Variants in SASH1 observed in about 807,000 individuals in gnomAD.
SASH1 encodes SAM and SH3 domain-containing protein 1.
In SASH1, 44 loss-of-function variants were observed where a neutral mutation model predicts 125.2. That is an observed-to-expected ratio of 0.35 (90% CI 0.28 to 0.45). SASH1 has a LOEUF of 0.45. SASH1 is among the 20% of genes least tolerant of loss of function. SASH1 has a pLI of 1.00. For missense variants in SASH1, 1,426 were observed against 1,614.5 expected, an observed-to-expected ratio of 0.88 and a Z score of 2.00; for synonymous variants, 639 against 649.1, an observed-to-expected ratio of 0.98 and a Z score of 0.24.
At chr6:148,234,565 C>A in the SASH1 span, among the ~76,000 whole-genome samples, 4 of 152,100 alleles carry the variant, frequency 2.6e-5, no homozygotes, top group African/African-American at 9.6e-5. Context: ...GTGGCTCACA[C>A]CTGTAATGCC....
At chr6:148,262,790 G>T in the SASH1 span, among the ~76,000 whole-genome samples, 3 of 152,212 alleles carry the variant, frequency 2.0e-5, no homozygotes, top group Non-Finnish European at 4.4e-5. Context: ...GGCTGAGACA[G>T]GAGAATCGCT....
At chr6:148,455,300 G>A (rs987880598) in intron 4 of SASH1, among the ~76,000 whole-genome samples, 6 of 152,168 alleles carry the variant, frequency 3.9e-5, no homozygotes, top group Admixed American at 2.6e-4. Context: ...TTTATTCATC[G>A]CCACCCAGAT....
At chr6:148,468,284 C>T (rs1257515720) in intron 4 of SASH1, among the ~76,000 whole-genome samples, 8 of 152,202 alleles carry the variant, frequency 5.3e-5, no homozygotes, top group African/African-American at 9.6e-5. Context: ...CTTCAGTGAT[C>T]GTCTAGTGAA....
intron 4 of SASH1, among the ~76,000 whole-genome samples, chr6:148,459,283 G>C (rs1653886864): frequency 6.6e-6 from 1 of 152,188 alleles, no homozygotes; most frequent in Admixed American, 6.5e-5. Context: ...CTCAGAGGAT[G>C]ACTGAATCCC....
chr6:148,399,288 G>T (rs918005581), intron 2 of SASH1, among the ~76,000 whole-genome samples: 7 of 145,702 alleles, frequency 4.8e-5, no homozygotes, highest in Admixed American at 1.4e-4. Flanking sequence ...CGTGATCTCG[G>T]CTCACTGGAA....
intron 1 of SASH1, among the ~76,000 whole-genome samples, chr6:148,287,961 T>A (rs1223625188): frequency 6.6e-6 from 1 of 152,240 alleles, no homozygotes; most frequent in African/African-American, 2.4e-5. Flanking sequence ...TTGAGTTTTG[T>A]AAGAAATGCT....
chr6:148,545,950 A>G, intron 18 of SASH1, 65 bp from the exon 19 acceptor site: 2 of 1,526,550 alleles, frequency 1.3e-6, no homozygotes, highest in South Asian at 1.2e-5. Context: ...TATGTGGTGT[A>G]TCTTAGGGAA....
chr6:148,411,944 T>G (rs1784647179), intron 2 of SASH1, among the ~76,000 whole-genome samples: 1 of 152,226 alleles, frequency 6.6e-6, no homozygotes, highest in Admixed American at 6.5e-5. Flanking sequence ...CACCCAAGTC[T>G]CTATGGAGGT....
intron 1 of SASH1, among the ~76,000 whole-genome samples, chr6:148,307,097 TCTCTCTCTGTCTCTTTCTTTC>T: frequency 1.4e-5 from 2 of 147,556 alleles, no homozygotes; most frequent in Admixed American, 6.9e-5. Flanking sequence ...TCTTTCTTTC[TCTCTCTCTGTCTCTTTCTTTC>T]TTTTCTTTCT....
intron 8 of SASH1, among the ~76,000 whole-genome samples, chr6:148,506,144 T>C (rs531898282): frequency 1.3e-5 from 2 of 151,136 alleles, no homozygotes; most frequent in African/African-American, 2.5e-5. Context: ...TTAGGTGTTA[T>C]TTGAACTCCA....
chr6:148,368,770 G>GCACGCGCGCACACA (rs1554245333), intron 1 of SASH1, among the ~76,000 whole-genome samples: 1 of 135,724 alleles, frequency 7.4e-6, no homozygotes, highest in Non-Finnish European at 1.6e-5. Flanking sequence ...GCACGCGCGC[G>GCACGCGCGCACACA]CACACACACA....
chr6:148,214,817 GC>G, the SASH1 span, among the ~76,000 whole-genome samples: 4 of 152,166 alleles, frequency 2.6e-5, no homozygotes, highest in Non-Finnish European at 5.9e-5. Context: ...ATTACCAACA[GC>G]TTTTTTATAC....
intron 1 of SASH1, among the ~76,000 whole-genome samples, chr6:148,329,020 G>A (rs1028690309): frequency 1.1e-4 from 16 of 152,134 alleles, no homozygotes; most frequent in Admixed American, 2.6e-4. Context: ...CCAGATGTTA[G>A]TTCACTGGCT....
the SASH1 span, among the ~76,000 whole-genome samples, chr6:148,212,708 T>C: frequency 6.6e-6 from 1 of 152,246 alleles, no homozygotes; most frequent in African/African-American, 2.4e-5. Flanking sequence ...CAAGGGTTTC[T>C]GACAGGGGAC....
chr6:148,220,196 CA>C, the SASH1 span, among the ~76,000 whole-genome samples: 2 of 152,184 alleles, frequency 1.3e-5, no homozygotes, highest in Admixed American at 1.3e-4. Flanking sequence ...CAAGACCAGG[CA>C]CAGACAGTTT....
At chr6:148,500,471 G>T (rs1453407484) in intron 8 of SASH1, among the ~76,000 whole-genome samples, 1 of 152,182 alleles carries the variant, frequency 6.6e-6, no homozygotes, top group Non-Finnish European at 1.5e-5. Context: ...GAATTTTAGA[G>T]ACTGTATTTC....
chr6:148,431,355 C>T (rs767349080), intron 2 of SASH1, among the ~76,000 whole-genome samples: 2 of 152,052 alleles, frequency 1.3e-5, no homozygotes, highest in African/African-American at 2.4e-5. Context: ...CCGGCCTCCA[C>T]GCCCGGCTAA....
intron 1 of SASH1, 83 bp from the exon 2 acceptor site, chr6:148,390,051 A>C: frequency 6.7e-7 from 1 of 1,501,790 alleles, no homozygotes; most frequent in South Asian, 1.2e-5. Flanking sequence ...ATTACTATTA[A>C]CTCTGCGTAG....
chr6:148,249,326 G>A, the SASH1 span, among the ~76,000 whole-genome samples: 2 of 1,742 alleles, frequency 1.1e-3, no homozygotes, highest in Non-Finnish European at 1.0e-3. Flanking sequence ...GCATGTGCAC[G>A]TGTGTGTGTG....
Sources: gnomAD v4.1 joint callset for allele counts (sites outside exome capture counted in the v4.1 genomes callset) on GRCh38, gnomAD v4.1.1 for gene constraint, MANE v1.5 for transcripts, NCBI Gene and HGNC (gene_info 2026-07-23, HGNC 2026-07-21) for gene names.